The following MALT1 variants were observed in gnomAD, a reference collection of about 807,000 sequenced individuals.
MALT1 encodes the protein mucosa-associated lymphoid tissue lymphoma translocation protein 1.
In MALT1, 36 loss-of-function variants were observed where a neutral mutation model predicts 85.5. That is an observed-to-expected ratio of 0.42 (90% CI 0.32 to 0.56). The LOEUF (loss-of-function observed/expected upper bound fraction) is 0.56, where lower values mean the gene tolerates loss of function less well. Among genes scored for constraint, MALT1 ranks in the 20% least tolerant of loss-of-function variants. The probability of loss-of-function intolerance (pLI) is 0.10; values close to 1 mark genes in which losing one functional copy is unlikely to be tolerated. For synonymous variants in MALT1, 359 were observed against 361.3 expected (o/e 0.99, Z 0.07); for missense variants, 716 against 981.6 (o/e 0.73, Z 3.62).
chr18:58,711,310 ATTTG>A (rs1339697068), intron 7 of MALT1, among the ~76,000 whole-genome samples: 2 of 152,206 alleles, frequency 1.3e-5, no homozygotes, highest in Non-Finnish European at 2.9e-5. Flanking sequence ...GATCATGGAT[ATTTG>A]TTTTAGATTA....
At chr18:58,679,773 T>C (rs1236513572) in intron 1 of MALT1, among the ~76,000 whole-genome samples, 2 of 152,114 alleles carry the variant, frequency 1.3e-5, no homozygotes, top group African/African-American at 4.8e-5. Flanking sequence ...GGTCTCAAAC[T>C]CCTGGCTTGA....
chr18:58,734,515 C>T (rs968443550), intron 12 of MALT1, 134 bp downstream of exon 12: 7 of 677,778 alleles, frequency 1.0e-5, no homozygotes, highest in African/African-American at 3.6e-5. Flanking sequence ...CTCACTGCTC[C>T]TGGGCTCAAG....
chr18:58,713,702 ACTCT>A (rs1016419119), intron 7 of MALT1, among the ~76,000 whole-genome samples: 2 of 152,118 alleles, frequency 1.3e-5, no homozygotes, highest in African/African-American at 4.8e-5. Context: ...GTATATAGGA[ACTCT>A]CTCTGCACTA....
Position 58,700,450 on chromosome 18 carries a change from G to A in MALT1, c.508G>A (p.Gly170Arg). Residue 170 changes from glycine (G) to arginine (R), a missense_variant, in exon 4 of 17, where the codon GGA becomes AGA. Physicochemically the swap from Gly to Arg is moderately radical, Grantham distance 125. Coordinates refer to ENST00000649217, the MANE Select transcript of MALT1 (RefSeq NM_006785.4). ...ATTGATTCTTTCACAGATTCCAAAT[G>A]GAAATACATCAGAGCTTATTTTTAA... The part of the protein sequence containing the change: ...WFKMNKEIPN[G>R]NTSELIFNAV... 1 of 1,593,974 alleles carries A rather than the reference G, an allele frequency of 6.3e-7. No homozygotes were observed. Among genetic ancestry groups the A allele is most frequent in the Non-Finnish European group, 8.5e-7 (1 of 1,173,980 alleles).
intron 10 of MALT1, among the ~76,000 whole-genome samples, chr18:58,727,298 TTTTG>T (rs1413679557): frequency 2.0e-5 from 3 of 151,874 alleles, no homozygotes; most frequent in Non-Finnish European, 2.9e-5. Flanking sequence ...GGTTTTGGGT[TTTTG>T]TTTGTTTTGT....
intron 4 of MALT1, among the ~76,000 whole-genome samples, chr18:58,703,474 G>A (rs778529015): frequency 6.6e-6 from 1 of 152,164 alleles, no homozygotes; most frequent in African/African-American, 2.4e-5. Context: ...TTTATAAACA[G>A]AAGAGTTTTA....
chr18:58,709,568 AT>A lies in MALT1; in HGVS notation c.828+16del. The A allele has an allele frequency of 6.3e-7, 1 of 1,581,578 alleles. No individual in the cohort carries two copies. Among genetic ancestry groups the A allele is most frequent in the Admixed American group, 1.9e-5 (1 of 53,548 alleles). On this transcript the variant is annotated intron_variant, in intron 5 of 16. Transcript: ENST00000649217. The stretch of plus-strand genomic sequence containing the variant: ...AAAAGCTATACATGGTAGGAAGTTG[AT>A]TTTGGGGTCTTTTGGGGGAGTTAAC...
chr18:58,715,872 G>T (rs2054892340), intron 8 of MALT1, 63 bp from the exon 9 acceptor site: 14 of 1,085,292 alleles, frequency 1.3e-5, no homozygotes, highest in Non-Finnish European at 2.0e-5. Context: ...TACTTTTCAT[G>T]TATCTTTAAC....
chr18:58,687,290 G>A (rs1294057547), intron 2 of MALT1, among the ~76,000 whole-genome samples: 1 of 152,206 alleles, frequency 6.6e-6, no homozygotes, highest in Non-Finnish European at 1.5e-5. Context: ...AAGGCCTGAA[G>A]GAATGTCTTT....
At chr18:58,688,360 C>G (rs2054439039) in intron 2 of MALT1, among the ~76,000 whole-genome samples, 1 of 151,140 alleles carries the variant, frequency 6.6e-6, no homozygotes, top group Non-Finnish European at 1.5e-5. Context: ...GCAGGACAGG[C>G]TTATAAACTG....
intron 13 of MALT1, among the ~76,000 whole-genome samples, chr18:58,741,227 T>G (rs1003876028): frequency 1.1e-4 from 16 of 152,192 alleles, no homozygotes; most frequent in African/African-American, 3.9e-4. Flanking sequence ...TGAGAAAATT[T>G]AGTTAATTTA....
chr18:58,722,344 A>G (rs1197507851), intron 9 of MALT1, among the ~76,000 whole-genome samples: 1 of 152,208 alleles, frequency 6.6e-6, no homozygotes, highest in East Asian at 1.9e-4. Flanking sequence ...AACTGTTTCT[A>G]TCAGAATACA....
At chr18:58,709,920 T>C in intron 5 of MALT1, 56 bp from the exon 6 acceptor site, 1 of 1,127,538 alleles carries the variant, frequency 8.9e-7, no homozygotes, top group East Asian at 2.4e-5. Flanking sequence ...AATGATTTTT[T>C]CTCCAAGCCA....
At chr18:58,743,654 A>G (rs1266013577) in intron 14 of MALT1, among the ~76,000 whole-genome samples, 2 of 152,166 alleles carry the variant, frequency 1.3e-5, no homozygotes, top group African/African-American at 4.8e-5. Flanking sequence ...AAACAAGCAA[A>G]TGATACAAAT....
chr18:58,671,750 C>T lies in MALT1; in HGVS notation c.107C>T (p.Pro36Leu). 1 of 1,276,034 alleles carries T rather than the reference C, an allele frequency of 7.8e-7. No homozygotes were observed. 79.0% of individuals were successfully genotyped at this position (1,276,034 alleles called of 1,614,324 possible). ...GCGACCCTCAACCGCCTGCGGGAGC[C>T]GCTGCTGCGGAGGCTCAGCGAGCTC... is the stretch of plus-strand genomic sequence containing the variant. ...AGATLNRLRE[P>L]LLRRLSELLD... The change falls in exon 1 of 17, where the codon CCG becomes CTG. Residue 36 changes from proline (P) to leucine (L), a missense_variant. Pro to Leu is a moderately conservative substitution (Grantham distance 98). Coordinates refer to ENST00000649217, the MANE Select transcript of MALT1 (RefSeq NM_006785.4).
intron 4 of MALT1, among the ~76,000 whole-genome samples, chr18:58,700,901 T>C (rs1280949894): frequency 6.6e-6 from 1 of 152,134 alleles, no homozygotes; most frequent in African/African-American, 2.4e-5. Flanking sequence ...AAGTGATTCC[T>C]CTTGCCTTAT....
At chr18:58,725,123 C>T (rs540295887) in intron 10 of MALT1, among the ~76,000 whole-genome samples, 16 of 149,594 alleles carry the variant, frequency 1.1e-4, no homozygotes, top group Admixed American at 6.6e-4. Flanking sequence ...GAGCAAGACT[C>T]CGTCTCAAAA....
At chr18:58,692,634 C>A (rs1369501099) in intron 2 of MALT1, among the ~76,000 whole-genome samples, 1 of 152,086 alleles carries the variant, frequency 6.6e-6, no homozygotes, top group African/African-American at 2.4e-5. Context: ...ATTAATAACC[C>A]TACAGTGATC....
At chr18:58,705,044 C>CA (rs1366810283) in intron 4 of MALT1, among the ~76,000 whole-genome samples, 5 of 152,088 alleles carry the variant, frequency 3.3e-5, no homozygotes, top group Non-Finnish European at 7.4e-5. Context: ...CGCGCCCGGC[C>CA]AAAAAAGCAT....
Sources: gnomAD v4.1 joint callset for allele counts (sites outside exome capture counted in the v4.1 genomes callset) on GRCh38, gnomAD v4.1.1 for gene constraint, MANE v1.5 for transcripts, NCBI Gene and HGNC (gene_info 2026-07-23, HGNC 2026-07-21) for gene names.